The following ELFN2 variants were observed in gnomAD, a reference collection of about 807,000 sequenced individuals.
ELFN2 encodes protein phosphatase 1 regulatory subunit 29.
In ELFN2, 17 loss-of-function variants were observed where a neutral mutation model predicts 45.5. The observed-to-expected ratio is 0.37, with a 90% CI of 0.26 to 0.56. The LOEUF is 0.56. Among genes scored for constraint, ELFN2 ranks in the 20% least tolerant of loss-of-function variants. The probability of loss-of-function intolerance (pLI) is 0.77; values close to 1 mark genes in which losing one functional copy is unlikely to be tolerated. For synonymous variants in ELFN2, 550 were observed against 551.5 expected (o/e 1.00, Z 0.04); for missense variants, 922 against 1,183.2 (o/e 0.78, Z 3.24).
chr22:37,360,051 G>T (rs1428091121), intron 1 of ELFN2, among the ~76,000 whole-genome samples: 1 of 152,212 alleles, frequency 6.6e-6, no homozygotes, highest in Non-Finnish European at 1.5e-5. Flanking sequence ...ATAGACAAAG[G>T]TAAAACTCAT....
At chr22:37,360,545 C>A (rs1468683375) in intron 1 of ELFN2, among the ~76,000 whole-genome samples, 1 of 152,192 alleles carries the variant, frequency 6.6e-6, no homozygotes, top group Non-Finnish European at 1.5e-5. Flanking sequence ...GACCACGTAC[C>A]TCTGTACACC....
intron 2 of ELFN2, among the ~76,000 whole-genome samples, chr22:37,408,606 C>G (rs538904559): frequency 4.6e-5 from 7 of 152,364 alleles, no homozygotes; most frequent in African/African-American, 1.7e-4. Context: ...TCCTGGACCA[C>G]TCTCAAGGCT....
intron 2 of ELFN2, among the ~76,000 whole-genome samples, chr22:37,393,667 G>A (rs1932138735): frequency 6.6e-6 from 1 of 152,152 alleles, no homozygotes; most frequent in Non-Finnish European, 1.5e-5. Context: ...GGCCAGTGAG[G>A]TCAAGTCATC....
rs752244581 is a variant in ELFN2 at position 37,374,372 on chromosome 22, G to A, written c.1163C>T (p.Ala388Val). 24 of 1,613,840 alleles carry A rather than the reference G, an allele frequency of 1.5e-5. No individual in the cohort carries two copies. The highest frequency in any genetic ancestry group is 4.0e-5 in the African/African-American group (3 of 74,946). The change falls in exon 3 of 3, where the codon GCG (alanine) becomes GTG (valine). Residue 388 changes from alanine to valine, a missense_variant. Physicochemically the swap from Ala to Val is moderately conservative, Grantham distance 64 (BLOSUM62 0). Coordinates refer to ENST00000402918, the MANE Select transcript of ELFN2 (RefSeq NM_052906.5). ...TTRDPVPGDL[A>V]PSTSTTTHYI... ...GTGGGTGGTGGTGGAGGTGCTGGGCGCCAAGTCTCCGGGGACGGGGTCCCG... is the reference window on the plus strand; with the variant it reads ...GTGGGTGGTGGTGGAGGTGCTGGGCACCAAGTCTCCGGGGACGGGGTCCCG...
In ELFN2 at chr22:37,380,928, T is replaced by C. The variant is rs183592801; in HGVS notation, c.-462-4932A>G. ...GGGCCTCAGTTCCTTGTCTGTAAAA[T>C]GGGAGGATTATACCTTCACCATGGA... On this transcript the variant is annotated intron_variant, in intron 2 of 2. Transcript: ENST00000402918. 1.9e-3 allele frequency among the ~76,000 whole-genome samples: 296 copies of C among 152,250 alleles called. 2 individuals carry two copies. Among genetic ancestry groups the C allele is most frequent in the Non-Finnish European group, 3.4e-3 (232 of 68,004 alleles).
Position 37,373,498 on chromosome 22 carries a change from C to T in ELFN2, c.2037G>A (p.Leu679=). 3 of 1,551,380 alleles carry T rather than the reference C, an allele frequency of 1.9e-6. No homozygotes were observed. The highest frequency in any genetic ancestry group is 2.6e-6 in the Non-Finnish European group (3 of 1,150,216). The change falls in exon 3 of 3, where the codon CTG becomes CTA. Residue 679 remains leucine (L), a synonymous_variant. Coordinates refer to ENST00000402918, the MANE Select transcript of ELFN2 (RefSeq NM_052906.5). The part of the protein sequence containing the change: ...PLNSPLDRLP[L]VPAGSGGGSG... Reference sequence around the variant, plus strand: ...TGCCCCCGCCGCTGCCCGCCGGCACCAGCGGGAGCCGGTCCAGCGGGCTGT... The same window carrying T: ...TGCCCCCGCCGCTGCCCGCCGGCACTAGCGGGAGCCGGTCCAGCGGGCTGT...
rs73412296 is a variant in ELFN2 at position 37,411,710 on chromosome 22, A to C, written c.-463+6059T>G. ...GACAGGGATGGGGCTATGGGTTCTC[A>C]GTAGCTTCTAGCTTCTCACGCAGCC... is the stretch of plus-strand genomic sequence containing the variant. On this transcript the variant is annotated intron_variant, in intron 2 of 2. Coordinates refer to ENST00000402918, the MANE Select transcript of ELFN2 (RefSeq NM_052906.5). Among the ~76,000 whole-genome samples the C allele has an allele frequency of 3.4e-3, 518 of 152,298 alleles. 1 individual carries two copies. Among genetic ancestry groups the C allele is most frequent in the African/African-American group, 0.012 (491 of 41,554 alleles).
At chr22:37,405,814 C>T (rs1389255618) in intron 2 of ELFN2, among the ~76,000 whole-genome samples, 1 of 148,154 alleles carries the variant, frequency 6.7e-6, no homozygotes, top group East Asian at 1.9e-4. Flanking sequence ...CCAGGTTCCT[C>T]CCTTTAGGAA....
intron 2 of ELFN2, among the ~76,000 whole-genome samples, chr22:37,394,843 G>A (rs1335564344): frequency 6.6e-6 from 1 of 152,154 alleles, no homozygotes; most frequent in Admixed American, 6.5e-5. Flanking sequence ...AATGGCTCAC[G>A]CCTGTAATCC....
chr22:37,375,514 G>A lies in ELFN2; in HGVS notation c.21C>T (p.Cys7=), dbSNP rs372217608. Residue 7 remains cysteine, a synonymous_variant, in exon 3 of 3, where the codon TGC becomes TGT. Coordinates refer to ENST00000402918, the MANE Select transcript of ELFN2 (RefSeq NM_052906.5). MLRLGL[C]AAALLCVCRP... The stretch of plus-strand genomic sequence containing the variant: ...GGCACACGCACAGCAGCGCCGCCGC[G>A]CACAGCCCCAGGCGCAGCATGGCGC... 198 of 1,564,326 alleles carry A rather than the reference G, an allele frequency of 1.3e-4. No individual in the cohort carries two copies. Among genetic ancestry groups the A allele is most frequent in the Admixed American group, 3.6e-4 (19 of 52,412 alleles).
intron 1 of ELFN2, among the ~76,000 whole-genome samples, chr22:37,348,312 A>G (rs1930742956): frequency 6.6e-6 from 1 of 152,238 alleles, no homozygotes; most frequent in South Asian, 2.1e-4. Context: ...GAGAGCAAGA[A>G]CAGGGCCTCC....
chr22:37,373,845 C>T lies in ELFN2; in HGVS notation c.1690G>A (p.Gly564Arg), dbSNP rs1931468260. 1 of 1,613,138 alleles carries T rather than the reference C, an allele frequency of 6.2e-7. No homozygotes were observed. The highest frequency in any genetic ancestry group is 8.5e-7 in the Non-Finnish European group (1 of 1,179,930). Residue 564 changes from glycine to arginine, a missense_variant, in exon 3 of 3, where the codon GGA becomes AGA. Gly to Arg is a moderately radical substitution (Grantham distance 125, BLOSUM62 -2). Transcript: ENST00000402918. ...GGGTCCCCACTGCTGCTGCCGCCTC[C>T]CAGAAAAGAGGCCGAGTCCAGCTTG... Reference protein sequence around the residue: ...ALKLDSASFLGGGSSSGDPEL... With the variant: ...ALKLDSASFLRGGSSSGDPEL...
Position 37,373,472 on chromosome 22 carries a change from C to A in ELFN2, c.2063G>T (p.Ser688Ile). 1 of 1,536,220 alleles carries A rather than the reference C, an allele frequency of 6.5e-7. No individual in the cohort carries two copies. The highest frequency in any genetic ancestry group is 8.7e-7 in the Non-Finnish European group (1 of 1,143,318). The change falls in exon 3 of 3, where the codon AGC becomes ATC. Residue 688 changes from serine (S) to isoleucine (I), a missense_variant. Transcript: ENST00000402918. ...PLVPAGSGGG[S>I]GGGGGIHHLE... ...GTGGTGGATGCCCCCGCCCCCGCCG[C>A]TGCCCCCGCCGCTGCCCGCCGGCAC... is the stretch of plus-strand genomic sequence containing the variant.
intron 2 of ELFN2, among the ~76,000 whole-genome samples, chr22:37,394,270 G>C (rs1226000925): frequency 1.3e-5 from 2 of 152,198 alleles, no homozygotes; most frequent in Non-Finnish European, 2.9e-5. Flanking sequence ...AGCTTGTCTG[G>C]ATGGCAGCAC....
intron 1 of ELFN2, among the ~76,000 whole-genome samples, chr22:37,343,457 A>G (rs1930609165): frequency 6.6e-6 from 1 of 151,820 alleles, no homozygotes; most frequent in African/African-American, 2.4e-5. Context: ...CTCCCACTCC[A>G]GGCTGCCTCC....
Position 37,345,083 on chromosome 22 carries a change from C to T in ELFN2, n.149-2380G>A, listed in dbSNP as rs377265196. Among the ~76,000 whole-genome samples the T allele has an allele frequency of 3.9e-5, 6 of 152,304 alleles. No homozygotes were observed. The East Asian group carries it at 1.2e-3, about 29-fold the overall frequency. On this transcript the variant is annotated intron_variant and non_coding_transcript_variant, in intron 1 of 2. Coordinates refer to ENST00000452946, the Ensembl canonical transcript of ELFN2. ...TGGGTCCCACTGCACCAGGCACTGC[C>T]CCCATCACAGATGTCCACTTGGCCC...
At chr22:37,380,233 A>G (rs1244095152) in intron 2 of ELFN2, among the ~76,000 whole-genome samples, 2 of 152,164 alleles carry the variant, frequency 1.3e-5, no homozygotes, top group East Asian at 3.9e-4. Context: ...GAGAGGGTGA[A>G]CAGAGCGAGG....
At chr22:37,380,485 C>G (rs148860096) in intron 2 of ELFN2, among the ~76,000 whole-genome samples, 2,149 of 152,312 alleles carry the variant, frequency 0.014, 26 homozygotes, top group Admixed American at 0.025. Flanking sequence ...CACACTCTTG[C>G]AGGGACACCC....
At chr22:37,418,556 G>A (rs1423391419) in intron 1 of ELFN2, among the ~76,000 whole-genome samples, 4 of 151,546 alleles carry the variant, frequency 2.6e-5, no homozygotes, top group South Asian at 2.1e-4. Flanking sequence ...TCACACCCAC[G>A]TGTGTGTGCA....
Sources: allele counts gnomAD v4.1 joint callset (sites outside exome capture counted in the v4.1 genomes callset), GRCh38; gene constraint gnomAD v4.1.1; transcripts MANE v1.5; gene names NCBI Gene and HGNC (gene_info 2026-07-23, HGNC 2026-07-21).